Variants in CYTIP observed in about 807,000 individuals in gnomAD.
CYTIP encodes the protein cytohesin 1 interacting protein.
A neutral mutation model predicts 43.8 loss-of-function variants in CYTIP; 26 were observed. The ratio of observed to expected loss-of-function variants is 0.59; its 90% CI spans 0.44 to 0.82. CYTIP has a LOEUF of 0.82. Among genes scored for constraint, CYTIP ranks in the 40% least tolerant of loss-of-function variants. The pLI is 0.00. For missense variants in CYTIP, 426 were observed against 443.1 expected (o/e 0.96, Z 0.35); for synonymous variants, 162 against 162.9 (o/e 0.99, Z 0.04).
Position 157,415,773 on chromosome 2 carries a change from C to A in CYTIP, c.984G>T (p.Leu328=). The change falls in exon 8 of 8, where the codon CTG becomes CTT. Residue 328 remains leucine, a synonymous_variant. Transcript: ENST00000264192. ...EGNLSSMFGT[L]PRKSRKGSVR... ...CACTTCCCTTTCTGCTCTTCCGGGG[C>A]AGGGTCCCAAACATGCTTGATAAGT... 5 of 1,614,204 alleles carry A rather than the reference C, an allele frequency of 3.1e-6. No individual in the cohort carries two copies. The highest frequency in any genetic ancestry group is 4.2e-6 in the Non-Finnish European group (5 of 1,180,004).
At chr2:157,442,138 GGAATACCCTTCAATATCTC>G (rs1174165860) in intron 1 of CYTIP, among the ~76,000 whole-genome samples, 1 of 152,050 alleles carries the variant, frequency 6.6e-6, no homozygotes, top group African/African-American at 2.4e-5. Context: ...TTCAATATCT[GGAATACCCTTCAATATCTC>G]GAATATCTAT....
In CYTIP at chr2:157,430,544, T is replaced by G. The variant is rs372835396; in HGVS notation, c.476+15A>C. 4 of 1,610,166 alleles carry G rather than the reference T, an allele frequency of 2.5e-6. No individual in the cohort carries two copies. The African/African-American group carries it at 5.3e-5, about 22-fold the overall frequency. ...TAACATTTTGAAGCCCCACGGGAAC[T>G]AGACAGATAGTTACGTTAGCAGGTT... On this transcript the variant is annotated intron_variant, in intron 5 of 7. Transcript: ENST00000264192.
At position 157,415,830 on chromosome 2, in the gene CYTIP, G is replaced by A; in HGVS notation, c.927C>T (p.Ser309=). 1 of 1,614,216 alleles carries A rather than the reference G, an allele frequency of 6.2e-7. No individual in the cohort carries two copies. The highest frequency in any genetic ancestry group is 1.6e-4 in the Middle Eastern group (1 of 6,062). The change falls in exon 8 of 8, where the codon AGC becomes AGT. Residue 309 remains serine (S), a synonymous_variant. Coordinates refer to ENST00000264192, the MANE Select transcript of CYTIP (RefSeq NM_004288.5). ...SRRNRSISNT[S]SGSMSPLWEG... ...CCCACAAGGGAGACATGGATCCGCT[G>A]CTGGTGTTACTGATGCTCCGGTTCC...
chr2:157,434,995 G>A (rs984173120), intron 1 of CYTIP, among the ~76,000 whole-genome samples: 2 of 151,794 alleles, frequency 1.3e-5, no homozygotes, highest in Admixed American at 6.6e-5. Flanking sequence ...GATAGCAGAG[G>A]AGAGTAGGGA....
At chr2:157,443,694 G>A (rs1397373705) in intron 1 of CYTIP, among the ~76,000 whole-genome samples, 153 bp downstream of exon 1, 3 of 152,070 alleles carry the variant, frequency 2.0e-5, no homozygotes, top group Admixed American at 6.5e-5. Flanking sequence ...GGTTCACCTA[G>A]CTCCCTGAGC....
intron 3 of CYTIP, 75 bp downstream of exon 3, chr2:157,434,295 T>A (rs1405269838): frequency 3.4e-6 from 4 of 1,183,702 alleles, no homozygotes; most frequent in African/African-American, 3.0e-5. Flanking sequence ...AACTTCATTT[T>A]TTCTTTGCAC....
intron 1 of CYTIP, chr2:157,438,846 TA>T: frequency 4.4e-6 from 1 of 225,080 alleles, no homozygotes; most frequent in East Asian, 1.3e-4. Flanking sequence ...ATTAATAAAT[TA>T]TTAGTAAAAT....
At chr2:157,435,144 C>A (rs1258543020) in intron 1 of CYTIP, among the ~76,000 whole-genome samples, 1 of 152,084 alleles carries the variant, frequency 6.6e-6, no homozygotes, top group African/African-American at 2.4e-5. Flanking sequence ...TTTAAAACAG[C>A]CTCTGAAAGA....
intron 7 of CYTIP, among the ~76,000 whole-genome samples, chr2:157,417,534 G>A (rs1029953496): frequency 6.6e-6 from 1 of 152,134 alleles, no homozygotes; most frequent in African/African-American, 2.4e-5. Context: ...AAGCAAGGAG[G>A]TGGCTGAATT....
chr2:157,418,890 C>T (rs1573853420), intron 6 of CYTIP, among the ~76,000 whole-genome samples: 2 of 152,066 alleles, frequency 1.3e-5, no homozygotes, highest in African/African-American at 2.4e-5. Flanking sequence ...TTTGTGAAAA[C>T]GTACTTGCTG....
intron 6 of CYTIP, among the ~76,000 whole-genome samples, chr2:157,425,712 T>C (rs1685594297): frequency 6.6e-6 from 1 of 152,180 alleles, no homozygotes; most frequent in Non-Finnish European, 1.5e-5. Flanking sequence ...ATTTCTTTTT[T>C]CTAAGAAAAG....
chr2:157,438,862 A>G (rs1234184576), intron 1 of CYTIP: 1 of 276,376 alleles, frequency 3.6e-6, no homozygotes, highest in Admixed American at 4.3e-5. Flanking sequence ...TAAAATTTTG[A>G]GCCTTGTCAA....
At chr2:157,438,353 A>G (rs1685847420) in intron 1 of CYTIP, among the ~76,000 whole-genome samples, 1 of 152,244 alleles carries the variant, frequency 6.6e-6, no homozygotes, top group East Asian at 1.9e-4. Context: ...AAAGTAGAAC[A>G]GAGGATACTA....
chr2:157,433,595 G>GAA (rs147667338), intron 3 of CYTIP, among the ~76,000 whole-genome samples: 1 of 146,276 alleles, frequency 6.8e-6, no homozygotes. Context: ...ACGTACTATG[G>GAA]AAAAAAAAAA....
At chr2:157,443,820 C>G (rs769003301) in intron 1 of CYTIP, 27 bp downstream of exon 1, 5 of 1,611,948 alleles carry the variant, frequency 3.1e-6, no homozygotes, top group Non-Finnish European at 4.2e-6. Context: ...TGTGAACACT[C>G]TAAAGGGTAC....
intron 1 of CYTIP, among the ~76,000 whole-genome samples, chr2:157,443,242 A>G (rs1685944172): frequency 2.0e-5 from 3 of 152,164 alleles, no homozygotes. Flanking sequence ...TCCATTTTAG[A>G]AAAAACAAAA....
At chr2:157,424,180 C>T (rs900743251) in intron 6 of CYTIP, among the ~76,000 whole-genome samples, 1 of 152,120 alleles carries the variant, frequency 6.6e-6, no homozygotes, top group Non-Finnish European at 1.5e-5. Flanking sequence ...ATTATCTCTA[C>T]AGTAAATCCA....
intron 3 of CYTIP, chr2:157,434,036 T>C (rs1004373167): frequency 3.1e-6 from 1 of 318,416 alleles, no homozygotes; most frequent in African/African-American, 2.2e-5. Context: ...CATGCAAATA[T>C]ATCAAGTACA....
chr2:157,437,719 A>G (rs562866759), intron 1 of CYTIP, among the ~76,000 whole-genome samples: 2 of 151,806 alleles, frequency 1.3e-5, no homozygotes, highest in Non-Finnish European at 2.9e-5. Flanking sequence ...AGAAAAAAAA[A>G]AAAGAAAGGA....
Sources: gnomAD v4.1 joint callset for allele counts (sites outside exome capture counted in the v4.1 genomes callset) on GRCh38, gnomAD v4.1.1 for gene constraint, MANE v1.5 for transcripts, NCBI Gene and HGNC (gene_info 2026-07-23, HGNC 2026-07-21) for gene names.